C12orf54: variants seen among roughly 807,000 people sequenced by gnomAD.
C12orf54 encodes chromosome 12 open reading frame 54.
Under a neutral mutation model 26.4 loss-of-function variants are expected in C12orf54, and 24 were observed. The ratio of observed to expected loss-of-function variants is 0.91; its 90% CI spans 0.66 to 1.28. The LOEUF (loss-of-function observed/expected upper bound fraction) is 1.28, where lower values mean the gene tolerates loss of function less well. C12orf54 is among the 50% of genes most tolerant of loss of function. The pLI, the probability that C12orf54 is intolerant of heterozygous loss-of-function variation, is 0.00. For missense variants in C12orf54, 154 were observed against 150.9 expected (o/e 1.02, Z -0.11); for synonymous variants, 54 against 47.0 (o/e 1.15, Z -0.61).
chr12:48,486,414 G>C (rs932101447), intron 3 of C12orf54: 6 of 629,124 alleles, frequency 9.5e-6, no homozygotes, highest in Admixed American at 2.9e-5. Context: ...GACTAAAGGG[G>C]CAGGCAGGCT....
chr12:48,464,863 C>CT, the C12orf54 span, among the ~76,000 whole-genome samples: 1 of 152,146 alleles, frequency 6.6e-6, no homozygotes, highest in Non-Finnish European at 1.5e-5. Flanking sequence ...ACTGGCTAGT[C>CT]ATATGCAGAA....
chr12:48,452,501 A>T, the C12orf54 span, among the ~76,000 whole-genome samples: 1 of 145,768 alleles, frequency 6.9e-6, no homozygotes, highest in Non-Finnish European at 1.6e-5. Context: ...TAATTAAACT[A>T]AAGAGCTTCT....
At chr12:48,473,286 G>C in the C12orf54 span, 1 of 1,094,678 alleles carries the variant, frequency 9.1e-7, no homozygotes, top group Non-Finnish European at 1.4e-6. Context: ...TGGAGACGAG[G>C]AGGAGAAGGA....
the C12orf54 span, among the ~76,000 whole-genome samples, chr12:48,415,217 A>C: frequency 6.7e-6 from 1 of 149,954 alleles, no homozygotes; most frequent in Non-Finnish European, 1.5e-5. Context: ...TACTAAAAAC[A>C]AACAAAACCC....
the C12orf54 span, among the ~76,000 whole-genome samples, chr12:48,439,661 A>G: frequency 3.3e-5 from 5 of 151,906 alleles, no homozygotes; most frequent in Admixed American, 3.3e-4. Context: ...AAAACCAAAC[A>G]CCGCATGTTC....
chr12:48,473,829 C>A, the C12orf54 span, among the ~76,000 whole-genome samples: 4 of 152,212 alleles, frequency 2.6e-5, no homozygotes, highest in African/African-American at 7.2e-5. Flanking sequence ...GGTCTGAGCA[C>A]CAGCCATAGC....
the C12orf54 span, among the ~76,000 whole-genome samples, chr12:48,463,195 T>C: frequency 6.6e-6 from 1 of 151,808 alleles, no homozygotes; most frequent in African/African-American, 2.4e-5. Context: ...TGTGCAAGAT[T>C]GTACATTGAA....
At chr12:48,446,247 C>CTCAT in the C12orf54 span, among the ~76,000 whole-genome samples, 1 of 152,146 alleles carries the variant, frequency 6.6e-6, no homozygotes, top group South Asian at 2.1e-4. Flanking sequence ...AATACATAAG[C>CTCAT]TCATTCCTCA....
At chr12:48,421,904 A>G in the C12orf54 span, among the ~76,000 whole-genome samples, 1 of 152,192 alleles carries the variant, frequency 6.6e-6, no homozygotes, top group Admixed American at 6.5e-5. Flanking sequence ...TGAACACTAG[A>G]AAATAAGTAA....
chr12:48,483,367 G>A lies in C12orf54; in HGVS notation c.65+6G>A, dbSNP rs113145022. Reference sequence around the variant, plus strand: ...ACCTCCAAGCAGCAGAGAAGGTAATGGGGCTAATGATGACCCTCAAACATC... The same window carrying A: ...ACCTCCAAGCAGCAGAGAAGGTAATAGGGCTAATGATGACCCTCAAACATC... On this transcript the variant is annotated splice_donor_region_variant and intron_variant, in intron 2 of 8. Transcript: ENST00000548364. 6.1e-5 allele frequency: 98 copies of A among 1,613,312 alleles called. No individual in the cohort carries two copies. The African/African-American group carries it at 1.2e-3, about 20-fold the overall frequency.
intron 7 of C12orf54, among the ~76,000 whole-genome samples, chr12:48,494,079 C>CAGG (rs1241636076): frequency 4.6e-5 from 4 of 87,176 alleles, no homozygotes; most frequent in Admixed American, 1.4e-4. Context: ...ATTAGCTGGG[C>CAGG]GTGGTGGCAG....
chr12:48,428,492 A>G, the C12orf54 span, among the ~76,000 whole-genome samples: 4 of 152,106 alleles, frequency 2.6e-5, no homozygotes, highest in African/African-American at 4.8e-5. Context: ...AAGATATTAC[A>G]ACTGACACCA....
the C12orf54 span, among the ~76,000 whole-genome samples, chr12:48,443,544 A>T: frequency 4.4e-4 from 67 of 152,312 alleles, no homozygotes; most frequent in East Asian, 0.013. Flanking sequence ...ATCAGAGAGA[A>T]GGCAGCACAG....
At chr12:48,423,544 G>A in the C12orf54 span, among the ~76,000 whole-genome samples, 1 of 151,986 alleles carries the variant, frequency 6.6e-6, no homozygotes, top group African/African-American at 2.4e-5. Flanking sequence ...ATAAAATCAA[G>A]CATTTAATTT....
At chr12:48,442,360 G>A in the C12orf54 span, 1 of 153,064 alleles carries the variant, frequency 6.5e-6, no homozygotes, top group Non-Finnish European at 1.5e-5. Context: ...AGCAGAGCAG[G>A]GTGGTAAAAC....
intron 7 of C12orf54, among the ~76,000 whole-genome samples, chr12:48,493,578 G>C (rs2731108): frequency 6.9e-6 from 1 of 145,964 alleles, no homozygotes; most frequent in East Asian, 2.0e-4. Flanking sequence ...CCATGATCAT[G>C]CCACTTCCCT....
the C12orf54 span, among the ~76,000 whole-genome samples, chr12:48,440,417 C>G: frequency 6.6e-6 from 1 of 152,056 alleles, no homozygotes; most frequent in Non-Finnish European, 1.5e-5. Flanking sequence ...AGTCCACATG[C>G]CTCCCTCAAA....
intron 5 of C12orf54, 38 bp from the exon 6 acceptor site, chr12:48,490,774 C>A: frequency 1.2e-6 from 2 of 1,612,422 alleles, no homozygotes; most frequent in South Asian, 2.2e-5. Flanking sequence ...AGGAGACCAG[C>A]CCCCATCATC....
intron 4 of C12orf54, chr12:48,488,552 C>T: frequency 2.6e-6 from 1 of 380,682 alleles, no homozygotes; most frequent in Non-Finnish European, 4.9e-6. Context: ...TGATTTTACA[C>T]ACCCTCCAAC....
Sources: gnomAD v4.1 joint callset for allele counts (sites outside exome capture counted in the v4.1 genomes callset) on GRCh38, gnomAD v4.1.1 for gene constraint, MANE v1.5 for transcripts, NCBI Gene and HGNC (gene_info 2026-07-23, HGNC 2026-07-21) for gene names.